Variants in KCNH8 observed in about 807,000 individuals in gnomAD.
KCNH8 encodes voltage-gated delayed rectifier potassium channel KCNH8.
Under a neutral mutation model 103.6 loss-of-function variants are expected in KCNH8, and 70 were observed. That is an observed-to-expected ratio of 0.68 (90% CI 0.56 to 0.82). KCNH8 has a LOEUF of 0.82. Ranked by LOEUF, KCNH8 falls within the 40% of genes least tolerant of loss-of-function variation. The probability of loss-of-function intolerance (pLI) is 0.00; values close to 1 mark genes in which losing one functional copy is unlikely to be tolerated. For synonymous variants in KCNH8, 498 were observed against 489.4 expected (o/e 1.02, Z -0.23); for missense variants, 1,217 against 1,329.9 (o/e 0.92, Z 1.32).
intron 7 of KCNH8, among the ~76,000 whole-genome samples, chr3:19,419,207 T>TG (rs2066911181): frequency 1.4e-5 from 2 of 141,886 alleles, no homozygotes; most frequent in Admixed American, 7.0e-5. Context: ...TTTTTTTTTT[T>TG]TTTTTTTTTT....
intron 3 of KCNH8, among the ~76,000 whole-genome samples, chr3:19,300,013 C>T (rs2125288681): frequency 6.6e-6 from 1 of 152,094 alleles, no homozygotes; most frequent in Admixed American, 6.5e-5. Context: ...CTTTGGGTGG[C>T]CAAGGCGGGT....
In KCNH8 at chr3:19,344,758, C is replaced by CA. The variant is rs754050055; in HGVS notation, c.570+2050dup. ...CTGGCTGTAATAACATTTGCACACA[C>CA]AAAAAATAATTCTTAACATTTTATA... On this transcript the variant is annotated intron_variant, in intron 4 of 15. Transcript: ENST00000328405. Among the ~76,000 whole-genome samples, 73 of 152,156 alleles carry CA rather than the reference C, an allele frequency of 4.8e-4. 1 individual carries two copies. The highest frequency in any genetic ancestry group is 6.8e-3 in the Middle Eastern group (2 of 294).
At chr3:19,491,623 T>C (rs1657069112) in intron 11 of KCNH8, among the ~76,000 whole-genome samples, 1 of 152,248 alleles carries the variant, frequency 6.6e-6, no homozygotes, top group African/African-American at 2.4e-5. Flanking sequence ...ATGTCTTTGC[T>C]ATAGTGAGTA....
chr3:19,417,150 GAT>G (rs978584961), intron 7 of KCNH8, among the ~76,000 whole-genome samples: 2 of 148,114 alleles, frequency 1.4e-5, no homozygotes, highest in African/African-American at 4.9e-5. Flanking sequence ...ATATTTGGAA[GAT>G]ATATATATAA....
intron 2 of KCNH8, among the ~76,000 whole-genome samples, chr3:19,265,967 G>A (rs1432533524): frequency 6.6e-6 from 1 of 151,956 alleles, no homozygotes; most frequent in Non-Finnish European, 1.5e-5. Flanking sequence ...TTGGTCCAGA[G>A]CTACAATAAC....
intron 3 of KCNH8, among the ~76,000 whole-genome samples, chr3:19,311,179 T>C (rs938970346): frequency 2.6e-5 from 4 of 151,798 alleles, no homozygotes; most frequent in Non-Finnish European, 5.9e-5. Context: ...TGTCTAATAA[T>C]AATAATAATA....
At chr3:19,492,830 CGTGTGT>C (rs67383228) in intron 11 of KCNH8, among the ~76,000 whole-genome samples, 29,697 of 123,090 alleles carry the variant, frequency 0.24, 3,584 homozygotes, top group South Asian at 0.29. Context: ...AATGTTTTTT[CGTGTGT>C]GTGTGTGTGT....
At chr3:19,162,955 C>T (rs1177081487) in intron 1 of KCNH8, among the ~76,000 whole-genome samples, 1 of 151,782 alleles carries the variant, frequency 6.6e-6, no homozygotes, top group African/African-American at 2.4e-5. Context: ...TGCTGTATGC[C>T]TACAGGTTAT....
intron 2 of KCNH8, among the ~76,000 whole-genome samples, chr3:19,272,582 CCTT>C (rs2064604376): frequency 6.6e-6 from 1 of 152,184 alleles, no homozygotes; most frequent in Admixed American, 6.5e-5. Context: ...AGTTTTTCTT[CCTT>C]CTTCTCTCCT....
chr3:19,375,497 A>G (rs2066180190), intron 5 of KCNH8, among the ~76,000 whole-genome samples: 1 of 149,902 alleles, frequency 6.7e-6, no homozygotes, highest in Admixed American at 6.6e-5. Flanking sequence ...TATTCTAGTT[A>G]TACATTCTTC....
intron 11 of KCNH8, among the ~76,000 whole-genome samples, chr3:19,500,065 C>T (rs1575146162): frequency 6.6e-6 from 1 of 152,262 alleles, no homozygotes; most frequent in African/African-American, 2.4e-5. Context: ...CAGAGACACA[C>T]ATAGGCTCAA....
At chr3:19,470,946 G>T (rs925227066) in intron 11 of KCNH8, among the ~76,000 whole-genome samples, 1 of 152,158 alleles carries the variant, frequency 6.6e-6, no homozygotes, top group Non-Finnish European at 1.5e-5. Context: ...GTTCTCTCCT[G>T]TGTGGCCTCT....
chr3:19,166,559 T>G (rs759262246), intron 1 of KCNH8, among the ~76,000 whole-genome samples: 2 of 152,178 alleles, frequency 1.3e-5, no homozygotes, highest in Non-Finnish European at 2.9e-5. Context: ...GATGATTGAA[T>G]TTGTAAAATA....
chr3:19,416,193 T>C (rs1487736544), intron 7 of KCNH8, among the ~76,000 whole-genome samples: 1 of 152,148 alleles, frequency 6.6e-6, no homozygotes, highest in African/African-American at 2.4e-5. Flanking sequence ...GATTTTTCAG[T>C]ATTTATTGAG....
At chr3:19,501,999 A>G (rs1351399724) in intron 11 of KCNH8, among the ~76,000 whole-genome samples, 1 of 152,016 alleles carries the variant, frequency 6.6e-6, no homozygotes, top group Non-Finnish European at 1.5e-5. Context: ...TTTGCAGATG[A>G]CATGATTGTA....
intron 5 of KCNH8, among the ~76,000 whole-genome samples, chr3:19,382,430 C>T (rs1285925972): frequency 6.6e-6 from 1 of 151,996 alleles, no homozygotes; most frequent in Admixed American, 6.6e-5. Context: ...TACATGATGA[C>T]CAAAATAGTT....
Position 19,442,362 on chromosome 3 carries a change from G to T in KCNH8, c.1375+4001G>T, listed in dbSNP as rs373894663. On this transcript the variant is annotated intron_variant, in intron 8 of 15. Transcript: ENST00000328405. ...ATGATAATTTTGGGAAATGCTCAAA[G>T]CCTAATTCTACTAATTTGACATTTC... 8.5e-5 allele frequency among the ~76,000 whole-genome samples: 13 copies of T among 152,252 alleles called. No homozygotes were observed. In the East Asian group the frequency reaches 1.5e-3, roughly 18 times the overall value.
chr3:19,255,060 TG>T (rs2064329557), intron 2 of KCNH8, among the ~76,000 whole-genome samples: 2 of 152,042 alleles, frequency 1.3e-5, no homozygotes, highest in South Asian at 4.2e-4. Context: ...GCCATAAGGG[TG>T]GGGACCTAAT....
At chr3:19,468,487 A>G (rs2067788974) in intron 11 of KCNH8, among the ~76,000 whole-genome samples, 1 of 152,250 alleles carries the variant, frequency 6.6e-6, no homozygotes. Context: ...ACAAATTGAA[A>G]GAACGGCTAA....
Sources: allele counts gnomAD v4.1 joint callset (sites outside exome capture counted in the v4.1 genomes callset), GRCh38; gene constraint gnomAD v4.1.1; transcripts MANE v1.5; gene names NCBI Gene and HGNC (gene_info 2026-07-23, HGNC 2026-07-21).